The following PSD2 variants were observed in gnomAD, a reference collection of about 807,000 sequenced individuals.
The protein encoded by PSD2 is pleckstrin and Sec7 domain containing 2.
In PSD2, 38 loss-of-function variants were observed where a neutral mutation model predicts 69.8. The ratio of observed to expected loss-of-function variants is 0.54; its 90% CI spans 0.42 to 0.71. PSD2 has a LOEUF of 0.71. PSD2 is among the 30% of genes least tolerant of loss of function. The pLI is 0.00. For missense variants in PSD2, 943 were observed against 1,014.5 expected, an observed-to-expected ratio of 0.93 and a Z score of 0.96; for synonymous variants, 412 against 423.0, an observed-to-expected ratio of 0.97 and a Z score of 0.32.
chr5:139,758,069 A>G, the PSD2 span, among the ~76,000 whole-genome samples: 1 of 152,268 alleles, frequency 6.6e-6, no homozygotes, highest in East Asian at 1.9e-4. Context: ...AAACAAAAAA[A>G]CCAAATGGTT....
In PSD2 at chr5:139,835,725, C is replaced by G. The variant is rs1561607607; in HGVS notation, c.1362C>G (p.Thr454=). 1.2e-6 allele frequency: 2 copies of G among 1,614,070 alleles called. No individual in the cohort carries two copies. The highest frequency in any genetic ancestry group is 2.2e-5 in the East Asian group (1 of 44,884). The stretch of plus-strand genomic sequence containing the variant: ...CCTCTCTCTTTTCCCTCTCCCAGAC[C>G]CTTTACAACTCCATCAAGAATGAAA... ...GQDFAKDLLK[T]LYNSIKNEKL... The change falls in exon 9 of 15, where the codon ACC becomes ACG. Residue 454 remains threonine (T), a splice_region_variant and synonymous_variant. Coordinates refer to ENST00000274710, the MANE Select transcript of PSD2 (RefSeq NM_032289.4).
chr5:139,780,388 T>C, the PSD2 span, among the ~76,000 whole-genome samples: 49 of 152,344 alleles, frequency 3.2e-4, no homozygotes, highest in African/African-American at 1.1e-3. Flanking sequence ...AATTGCTTTG[T>C]TGGAACCTGA....
At chr5:139,761,288 C>A in the PSD2 span, among the ~76,000 whole-genome samples, 1 of 152,194 alleles carries the variant, frequency 6.6e-6, no homozygotes. Context: ...TGCTCAATGT[C>A]ACTATGCTTG....
chr5:139,844,289 G>A lies in PSD2; in HGVS notation c.*1815G>A, dbSNP rs552143289. On this transcript the variant is annotated 3_prime_UTR_variant, in exon 15 of 15. Transcript: ENST00000274710. ...GTGGACAGATGTGCTTCCTGAGCATGGGTTGTGCCTCCCATCAGTAAAAAA... is the reference window on the plus strand; with the variant it reads ...GTGGACAGATGTGCTTCCTGAGCATAGGTTGTGCCTCCCATCAGTAAAAAA... 6.6e-6 allele frequency: 1 copy of A among 152,226 alleles called. No homozygotes were observed. The highest frequency in any genetic ancestry group is 1.9e-4 in the East Asian group (1 of 5,190). 9.4% of individuals were successfully genotyped at this position (152,226 alleles called of 1,614,324 possible).
chr5:139,826,541 G>A (rs1760425256), intron 7 of PSD2, among the ~76,000 whole-genome samples: 1 of 152,194 alleles, frequency 6.6e-6, no homozygotes, highest in Admixed American at 6.5e-5. Context: ...CTCTGGCAAT[G>A]AGAAGATGAG....
rs367592133 is a variant in PSD2 at position 139,813,761 on chromosome 5, G to A, written c.821+3G>A. On this transcript the variant is annotated splice_donor_region_variant and intron_variant, in intron 3 of 14. Transcript: ENST00000274710. ...GACAAGTTGCTGAACTCAGCCAGGTGAGGCAGGGCCCAGGCTGGGAGAACC... is the reference window on the plus strand; with the variant it reads ...GACAAGTTGCTGAACTCAGCCAGGTAAGGCAGGGCCCAGGCTGGGAGAACC... 27 of 1,596,518 alleles carry A rather than the reference G, an allele frequency of 1.7e-5. No homozygotes were observed. The highest frequency in any genetic ancestry group is 2.0e-5 in the Non-Finnish European group (23 of 1,169,466).
chr5:139,833,558 T>A, intron 7 of PSD2, 144 bp from the exon 8 acceptor site: 1 of 678,474 alleles, frequency 1.5e-6, no homozygotes, highest in Non-Finnish European at 2.7e-6. Flanking sequence ...TGTAAACTCT[T>A]GGAGACAAAA....
At chr5:139,835,688 C>T in intron 8 of PSD2, 35 bp from the exon 9 acceptor site, 2 of 1,610,088 alleles carry the variant, frequency 1.2e-6, no homozygotes, top group Non-Finnish European at 1.7e-6. Flanking sequence ...TGACCCTTCA[C>T]CTGAATTCCC....
chr5:139,821,826 T>TG (rs1581726062), intron 5 of PSD2, 67 bp from the exon 6 acceptor site: 1 of 855,834 alleles, frequency 1.2e-6, no homozygotes, highest in Non-Finnish European at 1.9e-6. Flanking sequence ...GTGCTGTGTG[T>TG]GTGGGGGGTG....
intron 1 of PSD2, among the ~76,000 whole-genome samples, chr5:139,806,986 C>A (rs540574181): frequency 6.6e-6 from 1 of 152,292 alleles, no homozygotes; most frequent in South Asian, 2.1e-4. Flanking sequence ...CATAGCAGGG[C>A]AGGTAGGGCT....
chr5:139,790,487 T>C, the PSD2 span, among the ~76,000 whole-genome samples: 1 of 151,054 alleles, frequency 6.6e-6, no homozygotes, highest in Non-Finnish European at 1.5e-5. Context: ...CCCTGGGAGC[T>C]CTGGCATTGG....
At position 139,837,929 on chromosome 5, in the gene PSD2, G is replaced by T. The variant is rs1384851523; in HGVS notation, c.1823+147G>T. 7.8e-6 allele frequency: 6 copies of T among 771,184 alleles called. No homozygotes were observed. Among genetic ancestry groups the T allele is most frequent in the African/African-American group, 1.8e-5 (1 of 56,816 alleles). The allele number at this position is 771,184 out of a possible 1,614,324, so 47.8% of individuals were successfully genotyped here. The stretch of plus-strand genomic sequence containing the variant: ...GACAGCTGGGTCCCTCCAAAGCAGT[G>T]GTTCCCAATGTGTGGTTCCCCTCAG... On this transcript the variant is annotated intron_variant, in intron 12 of 14. Transcript: ENST00000274710. The surrounding 1 kb of genome is among the most constrained non-coding windows in gnomAD (Gnocchi z 5.0).
intron 1 of PSD2, among the ~76,000 whole-genome samples, chr5:139,806,865 C>T (rs916984365): frequency 6.6e-6 from 1 of 152,152 alleles, no homozygotes; most frequent in Non-Finnish European, 1.5e-5. Flanking sequence ...GACTCTGGGC[C>T]CCCCGCCCAG....
At chr5:139,794,415 A>G (rs1172734774), upstream of PSD2, among the ~76,000 whole-genome samples, 1 of 152,150 alleles carries the variant, frequency 6.6e-6, no homozygotes, top group African/African-American at 2.4e-5. Context: ...AGGGAGGGAG[A>G]CTACGCACAG....
the PSD2 span, among the ~76,000 whole-genome samples, chr5:139,767,338 A>G: frequency 6.6e-6 from 1 of 151,808 alleles, no homozygotes; most frequent in Non-Finnish European, 1.5e-5. Flanking sequence ...TTTTAAAGAC[A>G]GAATCCCACT....
intron 1 of PSD2, among the ~76,000 whole-genome samples, chr5:139,801,153 T>C (rs1401714429): frequency 1.3e-5 from 2 of 150,122 alleles, no homozygotes. Flanking sequence ...TGCAGTGAGC[T>C]GAGATTGCGC....
intron 7 of PSD2, among the ~76,000 whole-genome samples, chr5:139,825,740 G>C (rs879542501): frequency 1.3e-5 from 2 of 152,148 alleles, no homozygotes; most frequent in Non-Finnish European, 2.9e-5. Context: ...CTGTGTTTCT[G>C]ATGCCTCTAG....
chr5:139,770,087 C>T, the PSD2 span, among the ~76,000 whole-genome samples: 10 of 152,312 alleles, frequency 6.6e-5, no homozygotes, highest in Non-Finnish European at 1.5e-4. Context: ...TGCCCGTGAG[C>T]ACAGGATTCT....
In PSD2 at chr5:139,814,094, G is replaced by A; in HGVS notation, c.822-76G>A. 1.4e-6 allele frequency: 2 copies of A among 1,467,030 alleles called. No homozygotes were observed. Among genetic ancestry groups the A allele is most frequent in the East Asian group, 2.3e-5 (1 of 43,684 alleles). 90.9% of individuals were successfully genotyped at this position (1,467,030 alleles called of 1,614,324 possible). A position where few individuals can be genotyped will look rare whatever the true frequency, so the allele number is the denominator to read the frequency against. On this transcript the variant is annotated intron_variant, in intron 3 of 14. Transcript: ENST00000274710. The surrounding 1 kb of genome is among the most constrained non-coding windows in gnomAD (Gnocchi z 4.4). ...CCTACATGGTTTGCAGTGGCCTGGG[G>A]AAACCTCCCAGCCTCCTCTGGGGCC...
Sources: allele counts gnomAD v4.1 joint callset (sites outside exome capture counted in the v4.1 genomes callset), GRCh38; gene constraint gnomAD v4.1.1; non-coding constraint Gnocchi (gnomAD v3.1); transcripts MANE v1.5; gene names NCBI Gene and HGNC (gene_info 2026-07-23, HGNC 2026-07-21).